Variants in SOX5 observed in about 807,000 individuals in gnomAD.
SOX5 encodes transcription factor SOX-5.
Under a neutral mutation model 92.0 loss-of-function variants are expected in SOX5, and 9 were observed. The observed-to-expected ratio is 0.10, with a 90% CI of 0.06 to 0.17. The LOEUF (loss-of-function observed/expected upper bound fraction) is 0.17. Among genes scored for constraint, SOX5 ranks in the 10% least tolerant of loss-of-function variants. The pLI, the probability that SOX5 is intolerant of heterozygous loss-of-function variation, is 1.00. For synonymous variants in SOX5, 344 were observed against 336.3 expected, an observed-to-expected ratio of 1.02 and a Z score of -0.25; for missense variants, 642 against 944.5, an observed-to-expected ratio of 0.68 and a Z score of 4.20.
intron 4 of SOX5, among the ~76,000 whole-genome samples, chr12:24,204,448 C>T (rs1264534842): frequency 6.6e-6 from 1 of 151,982 alleles, no homozygotes. Context: ...CATGCCTCGG[C>T]TTCCTGAGTA....
At chr12:24,555,116 C>T (rs1566460309) in intron 1 of SOX5, among the ~76,000 whole-genome samples, 1 of 152,198 alleles carries the variant, frequency 6.6e-6, no homozygotes, top group Non-Finnish European at 1.5e-5. Context: ...GCGCTGAGGG[C>T]CACTTGAGTT....
At chr12:24,107,823 G>C (rs950014105) in intron 4 of SOX5, among the ~76,000 whole-genome samples, 1 of 152,116 alleles carries the variant, frequency 6.6e-6, no homozygotes, top group Non-Finnish European at 1.5e-5. Context: ...TAATTAAAAC[G>C]AGAAAGATGA....
intron 4 of SOX5, among the ~76,000 whole-genome samples, chr12:24,178,426 C>A (rs988555128): frequency 2.6e-5 from 4 of 152,094 alleles, no homozygotes; most frequent in African/African-American, 7.2e-5. Context: ...AGCTGTTTAG[C>A]AAATGCTGTG....
At chr12:23,600,735 T>C (rs994594955) in intron 9 of SOX5, among the ~76,000 whole-genome samples, 4 of 151,940 alleles carry the variant, frequency 2.6e-5, no homozygotes, top group South Asian at 2.1e-4. Flanking sequence ...TTTCTTTTTG[T>C]GTTTTCACAT....
rs145522309 is a variant in SOX5, at chr12:24,444,929, C to A, written c.-250-76290G>T. ...CACAACACAATAAACCTCACAGATACAAATATCAGAGACTCAAAGTGTGTT... is the reference window on the plus strand; with the variant it reads ...CACAACACAATAAACCTCACAGATAAAAATATCAGAGACTCAAAGTGTGTT... On this transcript the variant is annotated intron_variant, in intron 1 of 4. Transcript: ENST00000446891. Among the ~76,000 whole-genome samples, 365 of 152,230 alleles carry A rather than the reference C, an allele frequency of 2.4e-3. 4 individuals carry two copies. The highest frequency in any genetic ancestry group is 8.3e-3 in the African/African-American group (345 of 41,528).
chr12:24,256,084 C>T (rs1219818838), intron 3 of SOX5, among the ~76,000 whole-genome samples: 1 of 152,180 alleles, frequency 6.6e-6, no homozygotes, highest in Non-Finnish European at 1.5e-5. Flanking sequence ...AGTGTGCAAA[C>T]CTTCCCCAAT....
At chr12:23,950,786 TG>T, upstream of SOX5, 1 of 1,279,774 alleles carries the variant, frequency 7.8e-7, no homozygotes, top group Non-Finnish European at 1.1e-6. Flanking sequence ...GATAAAAATC[TG>T]GCAGCCGAGA....
intron 6 of SOX5, among the ~76,000 whole-genome samples, chr12:23,727,266 A>C (rs1843392393): frequency 6.6e-6 from 1 of 152,174 alleles, no homozygotes; most frequent in Admixed American, 6.6e-5. Context: ...TCTCAATAAA[A>C]ATATTAAAAA....
chr12:23,679,976 T>G (rs1018220088), intron 6 of SOX5, among the ~76,000 whole-genome samples: 2 of 151,656 alleles, frequency 1.3e-5, no homozygotes, highest in African/African-American at 2.4e-5. Context: ...AAAAAAAACT[T>G]GAAAGAAGTT....
At chr12:24,057,559 T>C (rs552205160) in intron 4 of SOX5, among the ~76,000 whole-genome samples, 1 of 152,322 alleles carries the variant, frequency 6.6e-6, no homozygotes, top group Non-Finnish European at 1.5e-5. Flanking sequence ...CAAATGCAAA[T>C]TGACTCAGGT....
At chr12:24,041,991 AT>A (rs1956572584) in intron 4 of SOX5, among the ~76,000 whole-genome samples, 1 of 152,126 alleles carries the variant, frequency 6.6e-6, no homozygotes, top group Non-Finnish European at 1.5e-5. Flanking sequence ...CAAATTAATC[AT>A]TAAGGTTGTT....
chr12:24,191,748 A>T (rs185511779), intron 4 of SOX5, among the ~76,000 whole-genome samples: 38 of 152,286 alleles, frequency 2.5e-4, no homozygotes, highest in Admixed American at 1.0e-3. Context: ...ATAACTAGAG[A>T]TGGCAGGAAA....
chr12:24,062,855 A>G (rs1939998701), intron 4 of SOX5, among the ~76,000 whole-genome samples: 2 of 152,338 alleles, frequency 1.3e-5, no homozygotes, highest in South Asian at 4.1e-4. Flanking sequence ...TTCTTCGGCT[A>G]CAGACTGTGG....
At chr12:23,639,357 C>T (rs1489134334) in intron 8 of SOX5, among the ~76,000 whole-genome samples, 1 of 152,058 alleles carries the variant, frequency 6.6e-6, no homozygotes, top group Non-Finnish European at 1.5e-5. Context: ...TTGCCTCTAA[C>T]TTGCTCTCAC....
intron 2 of SOX5, among the ~76,000 whole-genome samples, chr12:24,297,248 T>A (rs1417673106): frequency 6.6e-6 from 1 of 152,226 alleles, no homozygotes; most frequent in Non-Finnish European, 1.5e-5. Flanking sequence ...TCTAATGTAA[T>A]GTACATTACA....
chr12:24,476,665 C>T (rs1945414471), intron 1 of SOX5, among the ~76,000 whole-genome samples: 1 of 151,988 alleles, frequency 6.6e-6, no homozygotes, highest in South Asian at 2.1e-4. Context: ...TCCAAGTTAC[C>T]ACACTGCACT....
At chr12:24,111,163 G>A (rs745479371) in intron 4 of SOX5, among the ~76,000 whole-genome samples, 7 of 151,602 alleles carry the variant, frequency 4.6e-5, no homozygotes, top group Non-Finnish European at 8.8e-5. Flanking sequence ...AATGTCCCAC[G>A]GGAGGTAAAA....
At chr12:24,371,833 T>G (rs1025844096) in intron 1 of SOX5, among the ~76,000 whole-genome samples, 3 of 151,874 alleles carry the variant, frequency 2.0e-5, no homozygotes, top group Non-Finnish European at 4.4e-5. Context: ...ACTAAAAATA[T>G]GAAAATTAGT....
intron 4 of SOX5, among the ~76,000 whole-genome samples, chr12:24,099,128 C>T (rs908217960): frequency 1.3e-5 from 2 of 152,090 alleles, no homozygotes; most frequent in African/African-American, 4.8e-5. Flanking sequence ...CAATCATAAC[C>T]CTGATGTGCA....
Sources: gnomAD v4.1 joint callset for allele counts (sites outside exome capture counted in the v4.1 genomes callset) on GRCh38, gnomAD v4.1.1 for gene constraint, MANE v1.5 for transcripts, NCBI Gene and HGNC (gene_info 2026-07-23, HGNC 2026-07-21) for gene names.